HECTD4: variants seen among roughly 807,000 people sequenced by gnomAD.
HECTD4 encodes probable E3 ubiquitin-protein ligase HECTD4.
HECTD4 carries 114 observed loss-of-function variants against 471.5 expected under a neutral mutation model. The observed-to-expected ratio is 0.24, with a 90% CI of 0.21 to 0.28. HECTD4 has a LOEUF of 0.28. Ranked by LOEUF, HECTD4 falls within the 10% of genes least tolerant of loss-of-function variation. The pLI is 1.00. For missense variants in HECTD4, 3,866 were observed against 5,651.5 expected (o/e 0.68, Z 10.13); for synonymous variants, 2,012 against 2,256.0 (o/e 0.89, Z 3.07).
At chr12:112,250,938 G>A (rs1410859531) in intron 24 of HECTD4, 33 bp downstream of exon 24, 2 of 1,572,608 alleles carry the variant, frequency 1.3e-6, no homozygotes. Flanking sequence ...TCCTTTGCAG[G>A]CAACACTAGC....
Position 112,193,288 on chromosome 12 carries a change from C to T in HECTD4, c.8956-97G>A, listed in dbSNP as rs2135524021. The stretch of plus-strand genomic sequence containing the variant: ...ATGGCCCAGGAAATCAGCCAAACGA[C>T]TAAATAGCCCTCTGGAAGGAAGCAA... On this transcript the variant is annotated intron_variant, in intron 57 of 75. Coordinates refer to ENST00000682272, the MANE Select transcript of HECTD4 (RefSeq NM_001388303.1). The surrounding 1 kb of genome is among the most constrained non-coding windows in gnomAD (Gnocchi z 5.2). 1 of 1,472,866 alleles carries T rather than the reference C, an allele frequency of 6.8e-7. No individual in the cohort carries two copies. Among genetic ancestry groups the T allele is most frequent in the East Asian group, 2.4e-5 (1 of 41,518 alleles). 91.2% of individuals were successfully genotyped at this position (1,472,866 alleles called of 1,614,324 possible).
chr12:112,255,629 T>G (rs1240779231), intron 21 of HECTD4, among the ~76,000 whole-genome samples: 1 of 152,146 alleles, frequency 6.6e-6, no homozygotes, highest in Non-Finnish European at 1.5e-5. Flanking sequence ...AACAGATCAC[T>G]AAGAAGCTAC....
chr12:112,367,416 C>T (rs2036585392), intron 1 of HECTD4, among the ~76,000 whole-genome samples: 1 of 152,086 alleles, frequency 6.6e-6, no homozygotes, highest in Non-Finnish European at 1.5e-5. Context: ...TCTTTCCCAT[C>T]CAAGGTCACA....
intron 69 of HECTD4, 42 bp from the exon 70 acceptor site, chr12:112,169,700 C>T (rs766786555): frequency 2.5e-5 from 41 of 1,608,528 alleles, no homozygotes; most frequent in Middle Eastern, 3.3e-4. Flanking sequence ...CCGCCGTGGC[C>T]GCCCTCTCCC....
intron 11 of HECTD4, among the ~76,000 whole-genome samples, chr12:112,272,775 CTGTT>C (rs145380901): frequency 0.037 from 5,605 of 152,258 alleles, 353 homozygotes; most frequent in African/African-American, 0.13. Context: ...CCACTGGTCT[CTGTT>C]TGTTTGCCAC....
chr12:112,212,893 T>G (rs1462967163), intron 48 of HECTD4, among the ~76,000 whole-genome samples: 1 of 152,160 alleles, frequency 6.6e-6, no homozygotes, highest in African/African-American at 2.4e-5. Context: ...CCTCCCAGGT[T>G]CAAGCAATTT....
chr12:112,212,914 G>C (rs2032806423), intron 48 of HECTD4, among the ~76,000 whole-genome samples: 1 of 152,148 alleles, frequency 6.6e-6, no homozygotes, highest in African/African-American at 2.4e-5. Flanking sequence ...TCCTGCCTCA[G>C]CCTCCAGAGT....
chr12:112,342,223 A>C (rs1377258402), intron 1 of HECTD4, among the ~76,000 whole-genome samples: 1 of 152,230 alleles, frequency 6.6e-6, no homozygotes, highest in Non-Finnish European at 1.5e-5. Context: ...TGGGAGGCCA[A>C]GGCAAGAGGA....
rs772516561 is a variant in HECTD4, at chr12:112,175,849, T to C, written c.11481A>G (p.Glu3827=). 1.2e-6 allele frequency: 2 copies of C among 1,613,570 alleles called. No homozygotes were observed. Among genetic ancestry groups the C allele is most frequent in the East Asian group, 4.5e-5 (2 of 44,882 alleles). ...SPTKKQEVPE[E]KYLTLEGFHK... Reference sequence around the variant, plus strand: ...GAAATCCTTCCAGCGTCAGGTATTTTTCCTCAGGGACTGGTGGAAAGGGTT... The same window carrying C: ...GAAATCCTTCCAGCGTCAGGTATTTCTCCTCAGGGACTGGTGGAAAGGGTT... The change falls in exon 66 of 76, where the codon GAA becomes GAG. Residue 3827 remains glutamate, a synonymous_variant. Coordinates refer to ENST00000682272, the MANE Select transcript of HECTD4 (RefSeq NM_001388303.1).
intron 1 of HECTD4, among the ~76,000 whole-genome samples, chr12:112,349,264 C>A (rs1463410258): frequency 6.6e-6 from 1 of 151,608 alleles, no homozygotes; most frequent in Non-Finnish European, 1.5e-5. Flanking sequence ...TAACACATGC[C>A]TATAGTCCCA....
intron 39 of HECTD4, chr12:112,231,146 T>G: frequency 2.2e-6 from 1 of 445,996 alleles, no homozygotes; most frequent in Non-Finnish European, 4.0e-6. Flanking sequence ...GAGGCAACAC[T>G]TAACTGCTGC....
At chr12:112,209,057 C>T (rs2135541304) in intron 50 of HECTD4, among the ~76,000 whole-genome samples, 1 of 151,874 alleles carries the variant, frequency 6.6e-6, no homozygotes, top group African/African-American at 2.4e-5. Flanking sequence ...TGTGCCACCA[C>T]ACCTGGCTAT....
At chr12:112,206,904 C>T (rs909643593) in intron 52 of HECTD4, among the ~76,000 whole-genome samples, 4 of 152,010 alleles carry the variant, frequency 2.6e-5, no homozygotes, top group African/African-American at 9.7e-5. Flanking sequence ...ATTCACTGGT[C>T]TTACTGTAAG....
At position 112,239,774 on chromosome 12, in the gene HECTD4, T is replaced by A; in HGVS notation, c.5105+107A>T. On this transcript the variant is annotated intron_variant, in intron 33 of 75. Coordinates refer to ENST00000682272, the MANE Select transcript of HECTD4 (RefSeq NM_001388303.1). The surrounding 1 kb of genome is among the most constrained non-coding windows in gnomAD (Gnocchi z 4.9). ...GAGAAAAGTTTTGTATAGCTAGCTC[T>A]GGATAATGAAAGCAAAAAATCCAAT... 9.4e-7 allele frequency: 1 copy of A among 1,065,160 alleles called. No homozygotes were observed. The highest frequency in any genetic ancestry group is 1.3e-6 in the Non-Finnish European group (1 of 761,970). 66.0% of individuals were successfully genotyped at this position (1,065,160 alleles called of 1,614,324 possible).
At position 112,248,210 on chromosome 12, in the gene HECTD4, G is replaced by A. The variant is rs554435014; in HGVS notation, c.4144-39C>T. 3 of 1,561,966 alleles carry A rather than the reference G, an allele frequency of 1.9e-6. No homozygotes were observed. In the Admixed American group the frequency reaches 5.5e-5, roughly 29 times the overall value. ...TAAAATAGATGCAAAATAAAAACAA[G>A]TATGATTCAAAATTTTAGTCACAAT... is the stretch of plus-strand genomic sequence containing the variant. On this transcript the variant is annotated intron_variant, in intron 26 of 75. Coordinates refer to ENST00000682272, the MANE Select transcript of HECTD4 (RefSeq NM_001388303.1).
chr12:112,216,388 G>C lies in HECTD4; in HGVS notation c.7386-17C>G. The C allele has an allele frequency of 6.6e-7, 1 of 1,526,074 alleles. No homozygotes were observed. The highest frequency in any genetic ancestry group is 8.9e-7 in the Non-Finnish European group (1 of 1,123,606). 94.5% of individuals were successfully genotyped at this position (1,526,074 alleles called of 1,614,324 possible). Reference sequence around the variant, plus strand: ...CGGCCGTTGCTATGAAAAATACAAAGAAGGGAGGTCAAAGACAAGAAAGAT... The same window carrying C: ...CGGCCGTTGCTATGAAAAATACAAACAAGGGAGGTCAAAGACAAGAAAGAT... On this transcript the variant is annotated splice_polypyrimidine_tract_variant and intron_variant, in intron 47 of 75. Transcript: ENST00000682272.
intron 1 of HECTD4, among the ~76,000 whole-genome samples, chr12:112,349,153 G>T (rs967405776): frequency 4.6e-5 from 7 of 152,088 alleles, no homozygotes; most frequent in Admixed American, 6.5e-5. Context: ...AGTTTGGGAG[G>T]CCAAGGCGGG....
chr12:112,378,253 A>G (rs991650822), intron 1 of HECTD4, among the ~76,000 whole-genome samples: 14 of 151,812 alleles, frequency 9.2e-5, no homozygotes, highest in Non-Finnish European at 1.6e-4. Context: ...GAGTCTCGCT[A>G]TGTTGCCCAG....
chr12:112,189,550 C>CAAAAAAAAAAAAAAAAA (rs57209316), intron 60 of HECTD4, among the ~76,000 whole-genome samples: 5 of 30,464 alleles, frequency 1.6e-4, no homozygotes, highest in African/African-American at 5.6e-4. Flanking sequence ...GACTCCGTCT[C>CAAAAAAAAAAAAAAAAA]AAAAAAAAAA....
Sources: gnomAD v4.1 joint callset for allele counts (sites outside exome capture counted in the v4.1 genomes callset) on GRCh38, gnomAD v4.1.1 for gene constraint, Gnocchi (gnomAD v3.1) non-coding constraint, MANE v1.5 for transcripts, NCBI Gene and HGNC (gene_info 2026-07-23, HGNC 2026-07-21) for gene names.